The following SSH2 variants were observed in gnomAD, a reference collection of about 807,000 sequenced individuals.
SSH2 encodes protein phosphatase Slingshot homolog 2.
SSH2 carries 37 observed loss-of-function variants against 135.2 expected under a neutral mutation model. The ratio of observed to expected loss-of-function variants is 0.27; its 90% CI spans 0.21 to 0.36. The LOEUF (loss-of-function observed/expected upper bound fraction) is 0.36, where lower values mean the gene tolerates loss of function less well. Ranked by LOEUF, SSH2 falls within the 10% of genes least tolerant of loss-of-function variation. The pLI, the probability that SSH2 is intolerant of heterozygous loss-of-function variation, is 1.00. For synonymous variants in SSH2, 628 were observed against 646.2 expected, an observed-to-expected ratio of 0.97 and a Z score of 0.43; for missense variants, 1,408 against 1,765.3, an observed-to-expected ratio of 0.80 and a Z score of 3.63.
At chr17:29,739,456 T>C (rs896969827) in intron 3 of SSH2, among the ~76,000 whole-genome samples, 1 of 152,184 alleles carries the variant, frequency 6.6e-6, no homozygotes, top group African/African-American at 2.4e-5. Context: ...ATAAGGACAA[T>C]AGCTTAGCTT....
intron 3 of SSH2, among the ~76,000 whole-genome samples, chr17:29,752,923 G>A (rs1013746433): frequency 1.3e-5 from 2 of 151,922 alleles, no homozygotes; most frequent in Non-Finnish European, 2.9e-5. Flanking sequence ...AAATAGAGAG[G>A]TATTTAAGAG....
intron 2 of SSH2, among the ~76,000 whole-genome samples, chr17:29,826,512 AG>A (rs919305784): frequency 6.6e-6 from 1 of 152,216 alleles, no homozygotes; most frequent in African/African-American, 2.4e-5. Context: ...AAAACATAGT[AG>A]TTTATTTAAC....
intron 3 of SSH2, among the ~76,000 whole-genome samples, chr17:29,762,740 C>T (rs539864777): frequency 5.4e-4 from 82 of 152,160 alleles, no homozygotes; most frequent in Non-Finnish European, 9.8e-4. Flanking sequence ...ATGTTGTGCT[C>T]ACAAATGGGG....
intron 5 of SSH2, among the ~76,000 whole-genome samples, chr17:29,686,919 C>T (rs947489512): frequency 1.3e-5 from 2 of 152,216 alleles, no homozygotes; most frequent in Admixed American, 6.5e-5. Context: ...AGGTGATCCA[C>T]CCACCTCAGC....
At position 29,630,871 on chromosome 17, in the gene SSH2, C is replaced by G; in HGVS notation, c.4323G>C (p.Arg1441=). The G allele has an allele frequency of 6.4e-7, 1 of 1,565,988 alleles. No homozygotes were observed. The highest frequency in any genetic ancestry group is 8.7e-7 in the Non-Finnish European group (1 of 1,151,618). The change falls in exon 16 of 16, where the codon CGG becomes CGC. Residue 1441 remains arginine (R), a synonymous_variant. Transcript: ENST00000540801. ...TGGTATTATAGAAGGGGTTGGTTGT[C>G]CGTTTTTTGTCATTTGCCTTTTTCA... The part of the protein sequence containing the change: ...RRLKKANDKK[R]TTNPFYNTM
At chr17:29,827,784 G>GA (rs775432141) in intron 2 of SSH2, among the ~76,000 whole-genome samples, 3,334 of 135,272 alleles carry the variant, frequency 0.025, 57 homozygotes, top group African/African-American at 0.051. Context: ...AATGAGTACA[G>GA]AAAAAAAAAA....
At chr17:29,772,333 C>T (rs1471273425) in intron 3 of SSH2, among the ~76,000 whole-genome samples, 2 of 151,448 alleles carry the variant, frequency 1.3e-5, no homozygotes, top group African/African-American at 4.9e-5. Flanking sequence ...GCAAGCTCCA[C>T]CTCCCGAGTT....
intron 1 of SSH2, among the ~76,000 whole-genome samples, chr17:29,864,539 C>T (rs1197413550): frequency 3.3e-5 from 5 of 150,486 alleles, no homozygotes; most frequent in Non-Finnish European, 7.4e-5. Context: ...TTTTGCTTAT[C>T]ATTCTTTGAA....
chr17:29,692,266 CCTTTG>C (rs1181104423), intron 5 of SSH2, among the ~76,000 whole-genome samples: 2 of 152,066 alleles, frequency 1.3e-5, no homozygotes, highest in African/African-American at 4.8e-5. Context: ...AAAACAAAAG[CCTTTG>C]CTTTGAGTCT....
At chr17:29,875,051 A>G (rs765944437) in intron 1 of SSH2, among the ~76,000 whole-genome samples, 59 of 152,138 alleles carry the variant, frequency 3.9e-4, no homozygotes, top group Non-Finnish European at 6.9e-4. Context: ...AAAAAATCAT[A>G]AAGTCATAAA....
Position 29,900,134 on chromosome 17 carries a change from A to C in SSH2, c.63+29804T>G, listed in dbSNP as rs181624207. Among the ~76,000 whole-genome samples, 797 of 152,350 alleles carry C rather than the reference A, an allele frequency of 5.2e-3. 8 individuals are homozygous for C. The highest frequency in any genetic ancestry group is 0.018 in the African/African-American group (735 of 41,584). ...TACACCTTATACAAAAATTAGTTCA[A>C]GATGGATTAAATACTTATATGTTAG... On this transcript the variant is annotated intron_variant, in intron 1 of 15. Coordinates refer to ENST00000540801, the MANE Select transcript of SSH2 (RefSeq NM_001282129.2).
At chr17:29,857,941 G>A (rs1000918103) in intron 1 of SSH2, among the ~76,000 whole-genome samples, 9 of 152,130 alleles carry the variant, frequency 5.9e-5, no homozygotes, top group African/African-American at 9.7e-5. Flanking sequence ...GTTTCTATGA[G>A]TTTTGACTTG....
intron 14 of SSH2, among the ~76,000 whole-genome samples, chr17:29,643,490 C>T (rs1240682934): frequency 6.6e-6 from 1 of 151,278 alleles, no homozygotes; most frequent in African/African-American, 2.4e-5. Flanking sequence ...CAGCTCACTG[C>T]AAGCTCCACC....
chr17:29,730,026 TAAGTAA>T (rs1348915741), intron 3 of SSH2, among the ~76,000 whole-genome samples: 3 of 151,982 alleles, frequency 2.0e-5, no homozygotes, highest in Non-Finnish European at 2.9e-5. Flanking sequence ...AAGTTTAAAA[TAAGTAA>T]AAGAGGCCAG....
At chr17:29,928,282 TA>T in intron 1 of SSH2, 1 of 349,850 alleles carries the variant, frequency 2.9e-6, no homozygotes, top group Non-Finnish European at 5.1e-6. Flanking sequence ...CACATAAGAA[TA>T]AATTATATTA....
chr17:29,794,031 A>G (rs2042117679), intron 2 of SSH2, 94 bp from the exon 3 acceptor site: 1 of 991,820 alleles, frequency 1.0e-6, no homozygotes, highest in Middle Eastern at 2.2e-4. Flanking sequence ...CATGTTGTGT[A>G]CTTGAACTAA....
intron 8 of SSH2, among the ~76,000 whole-genome samples, chr17:29,673,387 T>C (rs2037573261): frequency 6.6e-6 from 1 of 151,938 alleles, no homozygotes; most frequent in South Asian, 2.1e-4. Flanking sequence ...CTAACCAACA[T>C]GGTGAAACCC....
In SSH2 at chr17:29,667,122, T is replaced by C. The variant is rs540230669; in HGVS notation, c.903+8A>G. On this transcript the variant is annotated splice_region_variant and intron_variant, in intron 10 of 15. Transcript: ENST00000540801. Reference sequence around the variant, plus strand: ...CCTTGGAACAAACAAGGACTCAAGGTCTCTTACCTCTTTGGATGTAATATT... The same window carrying C: ...CCTTGGAACAAACAAGGACTCAAGGCCTCTTACCTCTTTGGATGTAATATT... 6.2e-7 allele frequency: 1 copy of C among 1,610,216 alleles called. No homozygotes were observed. The highest frequency in any genetic ancestry group is 1.1e-5 in the South Asian group (1 of 90,808).
At chr17:29,750,200 G>C (rs886094619) in intron 3 of SSH2, among the ~76,000 whole-genome samples, 1 of 151,132 alleles carries the variant, frequency 6.6e-6, no homozygotes, top group African/African-American at 2.4e-5. Flanking sequence ...CACTTTGGGA[G>C]GCCAAGGTGG....
Sources: gnomAD v4.1 joint callset for allele counts (sites outside exome capture counted in the v4.1 genomes callset) on GRCh38, gnomAD v4.1.1 for gene constraint, MANE v1.5 for transcripts, NCBI Gene and HGNC (gene_info 2026-07-23, HGNC 2026-07-21) for gene names.